The following ASIC4 variants were observed in gnomAD, a reference collection of about 807,000 sequenced individuals.
The protein encoded by ASIC4 is acid sensing ion channel subunit family member 4, also known as acid-sensing ion channel 4.
In ASIC4, 28 loss-of-function variants were observed where a neutral mutation model predicts 53.4. The ratio of observed to expected loss-of-function variants is 0.52; its 90% confidence interval spans 0.39 to 0.72. The LOEUF (loss-of-function observed/expected upper bound fraction) is 0.72. Ranked by LOEUF, ASIC4 falls within the 30% of genes least tolerant of loss-of-function variation. The pLI is 0.00. For synonymous variants in ASIC4, 289 were observed against 301.4 expected, an observed-to-expected ratio of 0.96 and a Z score of 0.43; for missense variants, 649 against 729.7, an observed-to-expected ratio of 0.89 and a Z score of 1.27.
At position 219,515,117 on chromosome 2, in the gene ASIC4, C is replaced by T. The variant is rs140032110; in HGVS notation, c.393C>T (p.Ala131=). 5.5e-5 allele frequency: 89 copies of T among 1,613,996 alleles called. No homozygotes were observed. Among genetic ancestry groups the T allele is most frequent in the Non-Finnish European group, 6.8e-5 (80 of 1,180,038 alleles). ...TCCGGCATTCGGCACTCAGCGATGC[C>T]GACATCTTCCACCTGGCCAATCTGA... ...NRFRHSALSD[A]DIFHLANLTG... Residue 131 remains alanine, a synonymous_variant, in exon 1 of 10, where the codon GCC becomes GCT. Transcript: ENST00000358078.
At chr2:219,531,628 A>C (rs1040579676) in intron 1 of ASIC4, 130 bp from the exon 2 acceptor site, 2 of 1,056,166 alleles carry the variant, frequency 1.9e-6, no homozygotes, top group Non-Finnish European at 2.7e-6. Context: ...TGGGCTGTAC[A>C]TTGCTTGCTA....
intron 1 of ASIC4, among the ~76,000 whole-genome samples, chr2:219,521,154 C>T (rs1393956935): frequency 1.3e-5 from 2 of 152,076 alleles, no homozygotes; most frequent in East Asian, 3.9e-4. Context: ...AGTGGTGTGG[C>T]CTGGCAGGGA....
rs541018959 is a variant in ASIC4 at position 219,538,346 on chromosome 2, G to T, written c.*300G>T. ...GGATAGAGCCCATCCCAGCCGGGGA[G>T]GGGGAGCCCTCTGTACATTTGTAAA... On this transcript the variant is annotated 3_prime_UTR_variant, in exon 10 of 10. Coordinates refer to ENST00000358078, the MANE Select transcript of ASIC4 (RefSeq NM_018674.6). 6.1e-6 allele frequency: 2 copies of T among 329,942 alleles called. No individual in the cohort carries two copies. Among genetic ancestry groups the T allele is most frequent in the Admixed American group, 4.6e-5 (1 of 21,808 alleles). 20.4% of individuals were successfully genotyped at this position (329,942 alleles called of 1,614,324 possible).
In ASIC4 at chr2:219,535,206, T is replaced by C; in HGVS notation, c.1111T>C (p.Cys371Arg). The change falls in exon 6 of 10, where the codon TGC becomes CGC. Residue 371 changes from cysteine to arginine, a missense_variant. Transcript: ENST00000358078. ...LGGGPEGPCF[C>R]PTPCNLTRYG... ...TGGGGGCCCTGAGGGCCCGTGCTTC[T>C]GCCCCACCCCCTGCAACCTGACACG... 6.2e-7 allele frequency: 1 copy of C among 1,613,934 alleles called. No individual in the cohort carries two copies. The highest frequency in any genetic ancestry group is 1.1e-5 in the South Asian group (1 of 91,060).
chr2:219,534,649 T>G (rs1695097666), intron 5 of ASIC4, among the ~76,000 whole-genome samples: 1 of 152,160 alleles, frequency 6.6e-6, no homozygotes, highest in East Asian at 1.9e-4. Context: ...AGAGCAAGGT[T>G]GAAGAGTGGA....
rs1366165191 is a variant in ASIC4, at chr2:219,518,106, T to C, written c.582+2800T>C. Among the ~76,000 whole-genome samples, 1 of 152,120 alleles carries C rather than the reference T, an allele frequency of 6.6e-6. No homozygotes were observed. The highest frequency in any genetic ancestry group is 6.5e-5 in the Admixed American group (1 of 15,282). ...CAATCAGTCAGTCAATCAATCAACA[T>C]GGAGTTCTGGGTGCCTACTATGTGT... is the stretch of plus-strand genomic sequence containing the variant. On this transcript the variant is annotated intron_variant, in intron 1 of 9. Coordinates refer to ENST00000358078, the MANE Select transcript of ASIC4 (RefSeq NM_018674.6). This position sits in a 1 kb window ranked among gnomAD's most constrained non-coding sequence, Gnocchi z 4.8.
At chr2:219,510,509 G>A (rs1422650015), upstream of ASIC4, among the ~76,000 whole-genome samples, 2 of 151,908 alleles carry the variant, frequency 1.3e-5, no homozygotes, top group East Asian at 1.9e-4. The surrounding 1 kb of genome is among the most constrained non-coding windows in gnomAD (Gnocchi z 5.2). Context: ...GCCCTCCCCC[G>A]CAGGCCCCAC....
upstream of ASIC4, among the ~76,000 whole-genome samples, chr2:219,509,707 CT>C (rs1217330317): frequency 2.6e-5 from 4 of 152,056 alleles, no homozygotes; most frequent in African/African-American, 9.7e-5. This position sits in a 1 kb window ranked among gnomAD's most constrained non-coding sequence, Gnocchi z 5.2. Flanking sequence ...GGGGTGATCT[CT>C]GGGAAGCCAT....
Position 219,537,346 on chromosome 2 carries a change from T to TGGGAGAAGGCA in ASIC4, c.1401+30_1401+31insAAGGCAGGGAG. ...GGCAAGGGCCCTGGAGAAGGCAGGG[T>TGGGAGAAGGCA]GGGAGTGGGGGCCGTGGGCAAAGCA... On this transcript the variant is annotated intron_variant, in intron 8 of 9. Transcript: ENST00000358078. The surrounding 1 kb of genome is among the most constrained non-coding windows in gnomAD (Gnocchi z 4.9). The TGGGAGAAGGCA allele has an allele frequency of 6.2e-7, 1 of 1,603,950 alleles. No homozygotes were observed. Among genetic ancestry groups the TGGGAGAAGGCA allele is most frequent in the Non-Finnish European group, 8.5e-7 (1 of 1,175,684 alleles).
intron 3 of ASIC4, 93 bp from the exon 4 acceptor site, chr2:219,532,222 G>A: frequency 6.3e-7 from 1 of 1,599,208 alleles, no homozygotes; most frequent in Non-Finnish European, 8.6e-7. Context: ...GAAGCTCAGA[G>A]CCTGCCAGCT....
intron 1 of ASIC4, 39 bp downstream of exon 1, chr2:219,515,345 C>T (rs570947088): frequency 2.5e-6 from 4 of 1,578,884 alleles, no homozygotes; most frequent in African/African-American, 1.3e-5. Flanking sequence ...CTTGGATGGC[C>T]GGAGGCTGGG....
Position 219,537,095 on chromosome 2 carries a change from T to C in ASIC4, c.1259T>C (p.Phe420Ser). The change falls in exon 7 of 10, where the codon TTT becomes TCT. Residue 420 changes from phenylalanine (F) to serine (S), a missense_variant. By Grantham distance (155) the Phe-to-Ser change is radical. Transcript: ENST00000358078. This position sits in a 1 kb window ranked among gnomAD's most constrained non-coding sequence, Gnocchi z 4.9. ...AACTTCCTGGTCCTAGATGTCTTCT[T>C]TGAGGCCCTGACCTCTGAAGCCATG... ...RENFLVLDVF[F>S]EALTSEAMEQ... The C allele has an allele frequency of 2.5e-6, 4 of 1,614,094 alleles. No homozygotes were observed. The highest frequency in any genetic ancestry group is 4.5e-5 in the East Asian group (2 of 44,870).
chr2:219,532,755 G>A (rs541053757), intron 4 of ASIC4, 128 bp from the exon 5 acceptor site: 2 of 968,432 alleles, frequency 2.1e-6, no homozygotes, highest in East Asian at 2.4e-5. Context: ...GGTTGTGTGT[G>A]TGGTGTTCAA....
rs1050761351 is a variant in ASIC4, at chr2:219,516,421, A to C, written c.582+1115A>C. Among the ~76,000 whole-genome samples the C allele has an allele frequency of 2.0e-5, 3 of 151,776 alleles. No homozygotes were observed. The highest frequency in any genetic ancestry group is 2.9e-5 in the Non-Finnish European group (2 of 67,954). The stretch of plus-strand genomic sequence containing the variant: ...TCTGCCATGCACGCCTCCCACAGTC[A>C]GGTATGTGAGGGGGTGGGCGTGTCT... On this transcript the variant is annotated intron_variant, in intron 1 of 9. Transcript: ENST00000358078. The surrounding 1 kb of genome is among the most constrained non-coding windows in gnomAD (Gnocchi z 4.9).
chr2:219,519,736 G>T (rs1694856691), intron 1 of ASIC4, among the ~76,000 whole-genome samples: 1 of 152,242 alleles, frequency 6.6e-6, no homozygotes, highest in Non-Finnish European at 1.5e-5. Flanking sequence ...GCTCTGGATG[G>T]CCCTAGGAAT....
intron 1 of ASIC4, among the ~76,000 whole-genome samples, chr2:219,520,674 C>T (rs1407027965): frequency 2.0e-5 from 3 of 152,188 alleles, no homozygotes; most frequent in African/African-American, 7.2e-5. Context: ...CCTCTGACTC[C>T]CCCTGCCTGT....
At position 219,518,822 on chromosome 2, in the gene ASIC4, G is replaced by C. The variant is rs73991592; in HGVS notation, c.582+3516G>C. On this transcript the variant is annotated intron_variant, in intron 1 of 9. Coordinates refer to ENST00000358078, the MANE Select transcript of ASIC4 (RefSeq NM_018674.6). The surrounding 1 kb of genome is among the most constrained non-coding windows in gnomAD (Gnocchi z 4.8). Reference sequence around the variant, plus strand: ...TCTCCTCTCACCTGGGGACCACCAGGATTCGAACCTCGGCTCTACGCATTA... The same window carrying C: ...TCTCCTCTCACCTGGGGACCACCAGCATTCGAACCTCGGCTCTACGCATTA... Among the ~76,000 whole-genome samples the C allele has an allele frequency of 6.6e-6, 1 of 152,232 alleles. No individual in the cohort carries two copies. Among genetic ancestry groups the C allele is most frequent in the Non-Finnish European group, 1.5e-5 (1 of 68,038 alleles).
At position 219,537,328 on chromosome 2, in the gene ASIC4, G is replaced by T; in HGVS notation, c.1401+7G>T. 1.2e-6 allele frequency: 2 copies of T among 1,611,218 alleles called. No individual in the cohort carries two copies. The highest frequency in any genetic ancestry group is 1.7e-6 in the Non-Finnish European group (2 of 1,178,986). ...CCTCGACTACATCTATGAGGCAAGG[G>T]CCCTGGAGAAGGCAGGGTGGGAGTG... On this transcript the variant is annotated splice_region_variant and intron_variant, in intron 8 of 9. Coordinates refer to ENST00000358078, the MANE Select transcript of ASIC4 (RefSeq NM_018674.6). The surrounding 1 kb of genome is among the most constrained non-coding windows in gnomAD (Gnocchi z 4.9).
rs1411392933 is a variant in ASIC4, at chr2:219,535,185, G to A, written c.1090G>A (p.Gly364Ser). 6.2e-7 allele frequency: 1 copy of A among 1,613,438 alleles called. No homozygotes were observed. The highest frequency in any genetic ancestry group is 8.5e-7 in the Non-Finnish European group (1 of 1,179,696). The change falls in exon 6 of 10, where the codon GGC (glycine) becomes AGC (serine). Residue 364 changes from glycine to serine, a missense_variant. By Grantham distance (56) the Gly-to-Ser change is moderately conservative. Coordinates refer to ENST00000358078, the MANE Select transcript of ASIC4 (RefSeq NM_018674.6). ...ADHTLDSLGG[G>S]PEGPCFCPTP... is the part of the protein sequence containing the mutation. ...CTGTGTTGCAGACTCCCTGGGTGGG[G>A]GCCCTGAGGGCCCGTGCTTCTGCCC...
Sources: gnomAD v4.1 joint callset for allele counts (sites outside exome capture counted in the v4.1 genomes callset) on GRCh38, gnomAD v4.1.1 for gene constraint, Gnocchi (gnomAD v3.1) non-coding constraint, MANE v1.5 for transcripts, NCBI Gene and HGNC (gene_info 2026-07-23, HGNC 2026-07-21) for gene names.